The following ZFAT variants were observed in gnomAD, a reference collection of about 807,000 sequenced individuals.
ZFAT encodes the protein zinc finger protein ZFAT.
A neutral mutation model predicts 117.7 loss-of-function variants in ZFAT; 64 were observed. The ratio of observed to expected loss-of-function variants is 0.54; its 90% confidence interval spans 0.44 to 0.67. ZFAT has a LOEUF of 0.67. Among genes scored for constraint, ZFAT ranks in the 30% least tolerant of loss-of-function variants. ZFAT has a pLI of 0.00. For synonymous variants in ZFAT, 679 were observed against 615.0 expected, an observed-to-expected ratio of 1.10 and a Z score of -1.54; for missense variants, 1,433 against 1,584.5, an observed-to-expected ratio of 0.90 and a Z score of 1.62.
At chr8:134,820,016 A>C in the ZFAT span, among the ~76,000 whole-genome samples, 1 of 152,224 alleles carries the variant, frequency 6.6e-6, no homozygotes, top group Non-Finnish European at 1.5e-5. Context: ...ACATCATGAT[A>C]TCTTTCTGGA....
chr8:134,777,509 C>G, the ZFAT span, among the ~76,000 whole-genome samples: 3 of 152,124 alleles, frequency 2.0e-5, no homozygotes, highest in African/African-American at 7.2e-5. Context: ...GACTCTTTCT[C>G]TGTCTTAAAA....
At position 134,582,471 on chromosome 8, in the gene ZFAT, C is replaced by A. The variant is rs555568590; in HGVS notation, c.2887+1361G>T. Among the ~76,000 whole-genome samples, 274 of 152,338 alleles carry A rather than the reference C, an allele frequency of 1.8e-3. 1 individual carries two copies. The highest frequency in any genetic ancestry group is 6.3e-3 in the African/African-American group (262 of 41,566). ...TGTAATTCTTGCCTAAACGTTCAGGCAGCTGAGCGGTCAGTAAGGCTTATT... is the reference window on the plus strand; with the variant it reads ...TGTAATTCTTGCCTAAACGTTCAGGAAGCTGAGCGGTCAGTAAGGCTTATT... On this transcript the variant is annotated intron_variant, in intron 10 of 15. Transcript: ENST00000377838.
At chr8:134,610,722 A>G in intron 3 of ZFAT, 67 bp from the exon 4 acceptor site, 4 of 1,554,524 alleles carry the variant, frequency 2.6e-6, no homozygotes, top group Non-Finnish European at 3.5e-6. Context: ...GAGGGTAAAC[A>G]CTACTCTTTC....
intron 15 of ZFAT, among the ~76,000 whole-genome samples, chr8:134,489,229 C>A (rs775586031): frequency 1.3e-5 from 2 of 152,012 alleles, no homozygotes; most frequent in Non-Finnish European, 2.9e-5. Context: ...GGTAGGGAGG[C>A]CAGGGACAGT....
chr8:134,512,209 T>A (rs948448279), intron 14 of ZFAT, among the ~76,000 whole-genome samples: 6 of 152,192 alleles, frequency 3.9e-5, no homozygotes, highest in African/African-American at 1.2e-4. Context: ...CACAAGGCGG[T>A]TCAGAGAATT....
rs1225388594 is a variant in ZFAT at position 134,565,283 on chromosome 8, C to T, written c.2976+50G>A. 4 of 1,609,918 alleles carry T rather than the reference C, an allele frequency of 2.5e-6. No individual in the cohort carries two copies. In the Admixed American group the frequency reaches 6.7e-5, roughly 27 times the overall value. On this transcript the variant is annotated intron_variant, in intron 11 of 15. Coordinates refer to ENST00000377838, the MANE Select transcript of ZFAT (RefSeq NM_020863.4). The stretch of plus-strand genomic sequence containing the variant: ...CTCTCTCCATCTTCACTTTGAAAAG[C>T]AACGCCTTTTTTGTCTGAACATCTG...
At chr8:134,531,267 G>A (rs1438377004) in intron 12 of ZFAT, among the ~76,000 whole-genome samples, 2 of 152,190 alleles carry the variant, frequency 1.3e-5, no homozygotes, top group Non-Finnish European at 2.9e-5. Context: ...AACAGCCACA[G>A]TAAACATCTA....
chr8:134,778,836 G>T, the ZFAT span, among the ~76,000 whole-genome samples: 2 of 152,192 alleles, frequency 1.3e-5, no homozygotes, highest in East Asian at 3.8e-4. Context: ...AGGACATGGT[G>T]GGGAAGTAAA....
intron 1 of ZFAT, among the ~76,000 whole-genome samples, chr8:134,704,517 T>TGG (rs1834096593): frequency 6.6e-6 from 1 of 152,214 alleles, no homozygotes; most frequent in Admixed American, 6.5e-5. Context: ...CCCTACAGCC[T>TGG]GGACTGCACT....
chr8:134,725,801 A>C, the ZFAT span, among the ~76,000 whole-genome samples: 137,486 of 151,754 alleles, frequency 0.91, 62,581 homozygotes, highest in African/African-American at 0.97. Context: ...TCCTATGCAC[A>C]TATAAACAGG....
chr8:134,813,836 A>G, the ZFAT span, among the ~76,000 whole-genome samples: 1 of 148,984 alleles, frequency 6.7e-6, no homozygotes, highest in Admixed American at 6.6e-5. Flanking sequence ...ACACACACAC[A>G]CACGTCAAAG....
At chr8:134,662,098 T>G (rs1831961830) in intron 1 of ZFAT, among the ~76,000 whole-genome samples, 1 of 152,188 alleles carries the variant, frequency 6.6e-6, no homozygotes, top group Non-Finnish European at 1.5e-5. Flanking sequence ...ATTGGCAGAA[T>G]CAATGCTTGG....
At chr8:134,785,302 C>A in the ZFAT span, 1 of 152,084 alleles carries the variant, frequency 6.6e-6, no homozygotes, top group Non-Finnish European at 1.5e-5. Context: ...AAGGTAAGTA[C>A]CTTCCACGTC....
At chr8:134,744,444 C>T in the ZFAT span, among the ~76,000 whole-genome samples, 2 of 151,830 alleles carry the variant, frequency 1.3e-5, no homozygotes, top group African/African-American at 2.4e-5. Flanking sequence ...TACAGGCACC[C>T]GCCACCATGC....
rs530373020 is a variant in ZFAT, at chr8:134,559,552, C to G, written c.2976+5781G>C. Among the ~76,000 whole-genome samples the G allele has an allele frequency of 6.6e-5, 10 of 152,330 alleles. No homozygotes were observed. In the South Asian group the frequency reaches 2.1e-3, roughly 32 times the overall value. ...AGTATATCTGTAGGATAAAATCTTA[C>G]AAGTGGTGAGTCGAAGAACACATGC... On this transcript the variant is annotated intron_variant, in intron 11 of 15. Transcript: ENST00000377838.
chr8:134,640,591 C>A (rs1234635572), intron 2 of ZFAT, among the ~76,000 whole-genome samples: 2 of 152,174 alleles, frequency 1.3e-5, no homozygotes, highest in African/African-American at 4.8e-5. Flanking sequence ...GTGCCCTGAG[C>A]AGCAGGCAGC....
intron 5 of ZFAT, among the ~76,000 whole-genome samples, chr8:134,606,887 T>G (rs1025877085): frequency 6.6e-6 from 1 of 151,488 alleles, no homozygotes; most frequent in Non-Finnish European, 1.5e-5. Context: ...ATAAATGACT[T>G]TTTTTCCCTC....
chr8:134,606,197 G>C (rs1827878155), intron 5 of ZFAT, among the ~76,000 whole-genome samples: 1 of 152,224 alleles, frequency 6.6e-6, no homozygotes, highest in Non-Finnish European at 1.5e-5. Context: ...ACAAGCCTCA[G>C]AGGTGGCAGG....
At chr8:134,704,445 A>G (rs1834094748) in intron 1 of ZFAT, among the ~76,000 whole-genome samples, 1 of 152,196 alleles carries the variant, frequency 6.6e-6, no homozygotes, top group South Asian at 2.1e-4. Flanking sequence ...GTAAAAGCCA[A>G]GCCCTCACCA....
Sources: gnomAD v4.1 joint callset for allele counts (sites outside exome capture counted in the v4.1 genomes callset) on GRCh38, gnomAD v4.1.1 for gene constraint, MANE v1.5 for transcripts, NCBI Gene and HGNC (gene_info 2026-07-23, HGNC 2026-07-21) for gene names.